The following KANSL1L variants were observed in gnomAD, a reference collection of about 807,000 sequenced individuals.
KANSL1L encodes KAT8 regulatory NSL complex subunit 1 like, also known as KAT8 regulatory NSL complex subunit 1-like protein.
Under a neutral mutation model 108.6 loss-of-function variants are expected in KANSL1L, and 25 were observed. That is an observed-to-expected ratio of 0.23 (90% CI 0.17 to 0.32). KANSL1L has a LOEUF of 0.32. Among genes scored for constraint, KANSL1L ranks in the 10% least tolerant of loss-of-function variants. The pLI is 1.00. For missense variants in KANSL1L, 1,137 were observed against 1,125.7 expected (o/e 1.01, Z -0.14); for synonymous variants, 405 against 395.1 (o/e 1.03, Z -0.30).
intron 3 of KANSL1L, among the ~76,000 whole-genome samples, chr2:210,107,463 T>A (rs761887320): frequency 3.3e-5 from 5 of 150,314 alleles, no homozygotes; most frequent in Non-Finnish European, 7.4e-5. Context: ...GACAAAGCTG[T>A]CGCAAGAACC....
rs747375780 is a variant in KANSL1L at position 210,098,101 on chromosome 2, T to C, written c.1535A>G (p.Asn512Ser). ...SKSCSHKCLA[N>S]GIYRSASENL... ...TGATACCTACCTCCTGTAAATGCCA[T>C]TAGCCAGACATTTATGGCTACAGGA... is the stretch of plus-strand genomic sequence containing the variant. Residue 512 changes from asparagine (N) to serine (S), a missense_variant, in exon 5 of 15, where the codon AAT (asparagine) becomes AGT (serine). Around this residue, in one of 3 missense-constraint regions of KANSL1L, gnomAD observed 575 missense variants for 567.1 expected, o/e 1.01. Transcript: ENST00000281772. 1 of 1,609,580 alleles carries C rather than the reference T, an allele frequency of 6.2e-7. No individual in the cohort carries two copies. Among genetic ancestry groups the C allele is most frequent in the Non-Finnish European group, 8.5e-7 (1 of 1,177,630 alleles).
intron 6 of KANSL1L, among the ~76,000 whole-genome samples, chr2:210,072,904 T>C (rs957078361): frequency 1.3e-5 from 2 of 152,332 alleles, no homozygotes; most frequent in East Asian, 3.9e-4. Flanking sequence ...TTTACTATGA[T>C]GATTGCAAAA....
intron 7 of KANSL1L, among the ~76,000 whole-genome samples, chr2:210,042,819 T>G (rs1055883274): frequency 6.6e-6 from 1 of 152,294 alleles, no homozygotes; most frequent in Non-Finnish European, 1.5e-5. Context: ...AAGGTAATGG[T>G]GTAGCTAAGA....
At chr2:210,103,215 G>T (rs564320949) in intron 4 of KANSL1L, among the ~76,000 whole-genome samples, 2 of 151,976 alleles carry the variant, frequency 1.3e-5, no homozygotes, top group African/African-American at 4.8e-5. Flanking sequence ...ACTATCACAA[G>T]GACGAAAAAC....
chr2:210,066,354 T>C (rs1187009895), intron 6 of KANSL1L, among the ~76,000 whole-genome samples: 1 of 152,298 alleles, frequency 6.6e-6, no homozygotes, highest in Admixed American at 6.5e-5. Context: ...TCATGAAAGA[T>C]AATAGAAAAT....
chr2:210,162,748 G>C (rs1376536705), intron 1 of KANSL1L, among the ~76,000 whole-genome samples: 2 of 152,080 alleles, frequency 1.3e-5, no homozygotes, highest in African/African-American at 4.8e-5. Flanking sequence ...AGGAAATCCA[G>C]AAGTGTATGA....
intron 12 of KANSL1L, among the ~76,000 whole-genome samples, chr2:210,026,174 G>A (rs1285179424): frequency 6.6e-6 from 1 of 152,168 alleles, no homozygotes; most frequent in East Asian, 1.9e-4. Flanking sequence ...TACATTAGAA[G>A]AGGAAAGGGC....
At chr2:210,073,774 A>AACAC (rs372708042) in intron 6 of KANSL1L, among the ~76,000 whole-genome samples, 6,206 of 141,960 alleles carry the variant, frequency 0.044, 160 homozygotes, top group African/African-American at 0.065. Flanking sequence ...GAAACACACA[A>AACAC]ACACACACAC....
chr2:210,171,317 GCC>G lies in KANSL1L; in HGVS notation c.-200_-199del, dbSNP rs1306679660. ...CCCGGCCGCCGCCGCCGCCGCCGCC[GCC>G]GCCGCCGCCGCCGCCGCCGCCGCGG... On this transcript the variant is annotated 5_prime_UTR_variant, in exon 1 of 15. Transcript: ENST00000281772. The G allele has an allele frequency of 6.6e-6, 1 of 152,640 alleles. No homozygotes were observed. 9.5% of individuals were successfully genotyped at this position (152,640 alleles called of 1,614,324 possible). A position where few individuals can be genotyped will look rare whatever the true frequency, so the allele number is the denominator to read the frequency against.
intron 5 of KANSL1L, 76 bp downstream of exon 5, chr2:210,098,010 A>AT: frequency 7.5e-7 from 1 of 1,337,434 alleles, no homozygotes; most frequent in Non-Finnish European, 1.0e-6. Context: ...AATACTTAAA[A>AT]TATCAAAACA....
intron 6 of KANSL1L, among the ~76,000 whole-genome samples, chr2:210,060,894 A>G (rs1024348580): frequency 6.6e-6 from 1 of 152,212 alleles, no homozygotes; most frequent in African/African-American, 2.4e-5. Flanking sequence ...TGTTTCTAAT[A>G]TTTATATCAC....
chr2:210,087,375 C>G (rs2094647972), intron 5 of KANSL1L, among the ~76,000 whole-genome samples: 1 of 152,004 alleles, frequency 6.6e-6, no homozygotes, highest in South Asian at 2.1e-4. Context: ...TTAAATATCT[C>G]TTATTACAGA....
chr2:210,075,586 T>C lies in KANSL1L; in HGVS notation c.1721A>G (p.Tyr574Cys), dbSNP rs2094536528. 3 of 1,614,112 alleles carry C rather than the reference T, an allele frequency of 1.9e-6. No homozygotes were observed. The highest frequency in any genetic ancestry group is 2.5e-6 in the Non-Finnish European group (3 of 1,179,954). The change falls in exon 6 of 15, where the codon TAC (tyrosine) becomes TGC (cysteine). Residue 574 changes from tyrosine to cysteine, a missense_variant. Tyr to Cys is a radical substitution (Grantham distance 194). Around this residue, in one of 3 missense-constraint regions of KANSL1L, gnomAD observed 575 missense variants for 567.1 expected, o/e 1.01. Coordinates refer to ENST00000281772, the MANE Select transcript of KANSL1L (RefSeq NM_152519.4). Reference sequence around the variant, plus strand: ...CCAATAAAAAGTAGGGCTCAATCTGTACAGTTTTCGTTTGTGGAAACTCTG... The same window carrying C: ...CCAATAAAAAGTAGGGCTCAATCTGCACAGTTTTCGTTTGTGGAAACTCTG... ...PLQSFHKRKL[Y>C]RLSPTFYWTP...
At chr2:210,094,536 A>C (rs2094719406) in intron 5 of KANSL1L, among the ~76,000 whole-genome samples, 1 of 152,118 alleles carries the variant, frequency 6.6e-6, no homozygotes, top group Admixed American at 6.5e-5. Context: ...CCCAGTGTCA[A>C]AAGGCTCATA....
At chr2:210,117,248 C>A (rs971476217) in intron 3 of KANSL1L, among the ~76,000 whole-genome samples, 2 of 151,856 alleles carry the variant, frequency 1.3e-5, no homozygotes, top group South Asian at 4.2e-4. Context: ...CCTACCAGAT[C>A]AAAAAAATAG....
chr2:210,139,620 A>T (rs1285200625), intron 2 of KANSL1L, among the ~76,000 whole-genome samples: 1 of 152,044 alleles, frequency 6.6e-6, no homozygotes, highest in Non-Finnish European at 1.5e-5. Context: ...GTATCTCATT[A>T]TAGTTTTAAT....
intron 1 of KANSL1L, among the ~76,000 whole-genome samples, chr2:210,156,389 G>A (rs1171839685): frequency 5.3e-5 from 8 of 152,124 alleles, no homozygotes; most frequent in African/African-American, 1.9e-4. Context: ...AAAGGGTAAT[G>A]TTCATAATGG....
chr2:210,131,709 C>CTT (rs749224357), intron 2 of KANSL1L, among the ~76,000 whole-genome samples: 1 of 139,376 alleles, frequency 7.2e-6, no homozygotes, highest in African/African-American at 2.6e-5. Flanking sequence ...AATAAATTTT[C>CTT]TTTTTTTTTT....
At chr2:210,080,968 G>A (rs191609821) in intron 5 of KANSL1L, among the ~76,000 whole-genome samples, 353 of 152,014 alleles carry the variant, frequency 2.3e-3, no homozygotes, top group African/African-American at 7.6e-3. Context: ...TCAGCCAGGC[G>A]TGGTGGTGCA....
Sources: allele counts gnomAD v4.1 joint callset (sites outside exome capture counted in the v4.1 genomes callset), GRCh38; gene constraint gnomAD v4.1.1; regional missense constraint gnomAD v4.1.1; transcripts MANE v1.5; gene names NCBI Gene and HGNC (gene_info 2026-07-23, HGNC 2026-07-21).